ATP2B2: variants seen among roughly 807,000 people sequenced by gnomAD.
ATP2B2 encodes ATPase plasma membrane Ca2+ transporting 2.
In ATP2B2, 15 loss-of-function variants were observed where a neutral mutation model predicts 120.0. The observed-to-expected ratio is 0.12, with a 90% CI of 0.08 to 0.19. The LOEUF (loss-of-function observed/expected upper bound fraction) is 0.19. ATP2B2 is among the 10% of genes least tolerant of loss of function. ATP2B2 has a pLI of 1.00. For synonymous variants in ATP2B2, 694 were observed against 700.3 expected, an observed-to-expected ratio of 0.99 and a Z score of 0.14; for missense variants, 1,045 against 1,719.8, an observed-to-expected ratio of 0.61 and a Z score of 6.94.
Position 10,354,597 on chromosome 3 carries a change from A to G in ATP2B2, c.2137-4020T>C, listed in dbSNP as rs149668351. 7.8e-3 allele frequency among the ~76,000 whole-genome samples: 1,181 copies of G among 152,214 alleles called. 18 individuals carry two copies. The highest frequency in any genetic ancestry group is 0.028 in the Admixed American group (435 of 15,292). ...CTGCTCTCCTGATGGCTTTATCAGC[A>G]CTGACTTCAATCAGCCTTGGAAAAT... On this transcript the variant is annotated intron_variant, in intron 14 of 22. Transcript: ENST00000360273.
At chr3:10,660,597 C>A (rs2070754258) in intron 1 of ATP2B2, among the ~76,000 whole-genome samples, 1 of 152,140 alleles carries the variant, frequency 6.6e-6, no homozygotes, top group Non-Finnish European at 1.5e-5. Context: ...GAAATTGAGG[C>A]AATAATTAAT....
At chr3:10,609,409 C>T (rs543012446) in intron 2 of ATP2B2, among the ~76,000 whole-genome samples, 18 of 152,356 alleles carry the variant, frequency 1.2e-4, no homozygotes, top group South Asian at 1.0e-3. Context: ...CTCCCGGCAT[C>T]GATCAGCCCT....
intron 22 of ATP2B2, among the ~76,000 whole-genome samples, chr3:10,333,650 G>A (rs1261041448): frequency 6.6e-6 from 1 of 152,174 alleles, no homozygotes; most frequent in Non-Finnish European, 1.5e-5. Context: ...TAAGACTATA[G>A]GCTCAGGAAG....
intron 1 of ATP2B2, chr3:10,620,065 T>C (rs1295550424): frequency 1.3e-5 from 2 of 152,240 alleles, no homozygotes; most frequent in Non-Finnish European, 1.5e-5. Flanking sequence ...GTTTTAAACG[T>C]ACTGTTTGAG....
At chr3:10,360,149 G>C (rs1479368037) in intron 12 of ATP2B2, 26 bp from the exon 13 acceptor site, 13 of 1,562,206 alleles carry the variant, frequency 8.3e-6, no homozygotes, top group African/African-American at 1.3e-5. Context: ...GGAGCGGCTG[G>C]CACCTGGTGG....
rs1156558456 is a variant in ATP2B2 at position 10,338,205 on chromosome 3, A to G, written c.3391T>C (p.Phe1131Leu). 1 of 1,613,928 alleles carries G rather than the reference A, an allele frequency of 6.2e-7. No homozygotes were observed. The highest frequency in any genetic ancestry group is 1.3e-5 in the African/African-American group (1 of 74,892). The change falls in exon 22 of 23, where the codon TTC (phenylalanine) becomes CTC (leucine). Residue 1131 changes from phenylalanine to leucine, a missense_variant. Coordinates refer to ENST00000360273, the MANE Select transcript of ATP2B2 (RefSeq NM_001001331.4). The stretch of plus-strand genomic sequence containing the variant: ...GTCTGGATCCGATTCAGGCCTCGGA[A>G]CCACAGGATCTGGCCCCGCCGCAGC... ...RELRRGQILW[F>L]RGLNRIQTQI...
At chr3:10,596,373 A>T (rs1391578065) in intron 2 of ATP2B2, among the ~76,000 whole-genome samples, 1 of 152,272 alleles carries the variant, frequency 6.6e-6, no homozygotes, top group Non-Finnish European at 1.5e-5. Context: ...CATCATGTGC[A>T]GTGTAGACAC....
chr3:10,456,001 C>G (rs572678718), intron 1 of ATP2B2, among the ~76,000 whole-genome samples: 1 of 152,298 alleles, frequency 6.6e-6, no homozygotes, highest in East Asian at 1.9e-4. Flanking sequence ...ATTTAAATTA[C>G]TCTGTATTGT....
At chr3:10,357,229 A>G (rs1265438822) in intron 14 of ATP2B2, among the ~76,000 whole-genome samples, 1 of 152,106 alleles carries the variant, frequency 6.6e-6, no homozygotes, top group Non-Finnish European at 1.5e-5. Flanking sequence ...TCGTAGATGC[A>G]TGATCTGAGC....
intron 1 of ATP2B2, among the ~76,000 whole-genome samples, chr3:10,465,080 A>G (rs13316079): frequency 0.069 from 10,506 of 152,256 alleles, 1,195 homozygotes; most frequent in African/African-American, 0.24. Context: ...TACCTTGAAG[A>G]TACCCTGTCC....
At chr3:10,612,569 T>A (rs1479768063) in intron 2 of ATP2B2, among the ~76,000 whole-genome samples, 1 of 152,192 alleles carries the variant, frequency 6.6e-6, no homozygotes, top group East Asian at 1.9e-4. Context: ...GCTCTTTTTT[T>A]TCTCCCTAAA....
chr3:10,506,977 C>T (rs374908511), upstream of ATP2B2, among the ~76,000 whole-genome samples: 5 of 152,228 alleles, frequency 3.3e-5, no homozygotes, highest in African/African-American at 9.6e-5. Flanking sequence ...CAGTTGGGAG[C>T]GCCTGAGGTG....
chr3:10,536,997 T>C (rs1400720261), intron 2 of ATP2B2, among the ~76,000 whole-genome samples: 2 of 152,244 alleles, frequency 1.3e-5, no homozygotes, highest in Admixed American at 1.3e-4. Context: ...TTGAAAAGGT[T>C]ATCATCTTTA....
chr3:10,600,008 CAG>C (rs1377934077), intron 2 of ATP2B2, among the ~76,000 whole-genome samples: 1 of 151,918 alleles, frequency 6.6e-6, no homozygotes, highest in African/African-American at 2.4e-5. Context: ...CCTTTCAATT[CAG>C]AGTTTCATCT....
At chr3:10,686,394 C>G (rs1203149045) in intron 1 of ATP2B2, among the ~76,000 whole-genome samples, 3 of 152,180 alleles carry the variant, frequency 2.0e-5, no homozygotes, top group Admixed American at 6.5e-5. Flanking sequence ...GTGGCTCAGG[C>G]CTGTAATCCC....
intron 3 of ATP2B2, among the ~76,000 whole-genome samples, chr3:10,513,393 G>A (rs940100153): frequency 1.3e-5 from 2 of 152,150 alleles, no homozygotes; most frequent in African/African-American, 4.8e-5. Context: ...TGTGGGCAAG[G>A]GACAGGAGAG....
chr3:10,375,287 G>A lies in ATP2B2; in HGVS notation c.1416+143C>T. ...GAAAGCGTCAGAGTTTTGGGGTCCT[G>A]CATACATTCTTCTTCCAAGCTCCTA... On this transcript the variant is annotated intron_variant, in intron 11 of 22. Transcript: ENST00000360273. The surrounding 1 kb of genome is among the most constrained non-coding windows in gnomAD (Gnocchi z 4.2). 1 of 696,284 alleles carries A rather than the reference G, an allele frequency of 1.4e-6. No homozygotes were observed. Among genetic ancestry groups the A allele is most frequent in the East Asian group, 2.7e-5 (1 of 37,076 alleles). 43.1% of individuals were successfully genotyped at this position (696,284 alleles called of 1,614,324 possible).
intron 1 of ATP2B2, among the ~76,000 whole-genome samples, chr3:10,637,532 T>C (rs1483958924): frequency 6.6e-6 from 1 of 152,124 alleles, no homozygotes; most frequent in Non-Finnish European, 1.5e-5. Context: ...CAATAGCAGA[T>C]TAGACACTGC....
At chr3:10,605,874 C>G (rs1470371931) in intron 2 of ATP2B2, among the ~76,000 whole-genome samples, 4 of 152,138 alleles carry the variant, frequency 2.6e-5, no homozygotes, top group Admixed American at 1.3e-4. Flanking sequence ...GTCTTGAACT[C>G]CTGACCTCAA....
Sources: gnomAD v4.1 joint callset for allele counts (sites outside exome capture counted in the v4.1 genomes callset) on GRCh38, gnomAD v4.1.1 for gene constraint, Gnocchi (gnomAD v3.1) non-coding constraint, MANE v1.5 for transcripts, NCBI Gene and HGNC (gene_info 2026-07-23, HGNC 2026-07-21) for gene names.